ANKRD7: variants seen among roughly 807,000 people sequenced by gnomAD.
ANKRD7 encodes ankyrin repeat domain 7, also known as ankyrin repeat domain-containing protein 7.
ANKRD7 carries 30 observed loss-of-function variants against 30.8 expected under a neutral mutation model. The ratio of observed to expected loss-of-function variants is 0.97; its 90% confidence interval spans 0.73 to 1.32. The LOEUF (loss-of-function observed/expected upper bound fraction) is 1.32, where lower values mean the gene tolerates loss of function less well. Among genes scored for constraint, ANKRD7 ranks in the 40% most tolerant of loss-of-function variants. ANKRD7 has a pLI of 0.00. For synonymous variants in ANKRD7, 97 were observed against 106.6 expected (o/e 0.91, Z 0.55); for missense variants, 264 against 295.7 (o/e 0.89, Z 0.79).
chr7:118,230,651 TA>T, intron 1 of ANKRD7, among the ~76,000 whole-genome samples: 1 of 148,882 alleles, frequency 6.7e-6, no homozygotes, highest in African/African-American at 2.4e-5. Flanking sequence ...TGTGTGTGTG[TA>T]GAGAGAGAGA....
intron 1 of ANKRD7, among the ~76,000 whole-genome samples, chr7:118,230,129 A>ATGTC (rs1562872115): frequency 6.6e-6 from 1 of 152,106 alleles, no homozygotes; most frequent in African/African-American, 2.4e-5. Context: ...TAAGACAAAG[A>ATGTC]TGTCTGCTCT....
chr7:118,237,094 GGGC>G (rs1809743119), intron 5 of ANKRD7, among the ~76,000 whole-genome samples, 168 bp downstream of exon 5: 2 of 152,124 alleles, frequency 1.3e-5, no homozygotes, highest in African/African-American at 4.8e-5. Flanking sequence ...ATCAATATAA[GGGC>G]TACAGATGGG....
chr7:118,234,687 T>C lies in ANKRD7; in HGVS notation c.295-14T>C, dbSNP rs763373265. ...AGTAAATTGGTTACTCATCTACTCT[T>C]GTTGCATTAACAGGCAGTACAGTGT... is the stretch of plus-strand genomic sequence containing the variant. On this transcript the variant is annotated splice_polypyrimidine_tract_variant and intron_variant, in intron 2 of 6. Transcript: ENST00000265224. 6.3e-7 allele frequency: 1 copy of C among 1,598,686 alleles called. No homozygotes were observed. Among genetic ancestry groups the C allele is most frequent in the Non-Finnish European group, 8.5e-7 (1 of 1,174,736 alleles).
At position 118,240,881 on chromosome 7, in the gene ANKRD7, G is replaced by A. The variant is rs577725026; in HGVS notation, c.*37+883G>A. ...AAGAATATATAGTTATTGGCCGGGC[G>A]CGGTGGCTCACGCCTGTAATCCCAG... On this transcript the variant is annotated intron_variant, in intron 6 of 6. Transcript: ENST00000265224. Among the ~76,000 whole-genome samples the A allele has an allele frequency of 1.8e-4, 28 of 151,906 alleles. No homozygotes were observed. The South Asian group carries it at 3.7e-3, about 20-fold the overall frequency.
At chr7:118,239,875 G>T in intron 5 of ANKRD7, 34 bp from the exon 6 acceptor site, 1 of 1,399,672 alleles carries the variant, frequency 7.1e-7, no homozygotes, top group Non-Finnish European at 1.0e-6. Flanking sequence ...AAATTTCTAT[G>T]CATGCTGGCA....
At chr7:118,230,516 A>G (rs553862587) in intron 1 of ANKRD7, among the ~76,000 whole-genome samples, 2 of 116,584 alleles carry the variant, frequency 1.7e-5, no homozygotes, top group South Asian at 6.6e-4. Context: ...GACTGCAAAG[A>G]ATTGACTATA....
At chr7:118,228,989 C>T (rs1214807828) in intron 1 of ANKRD7, among the ~76,000 whole-genome samples, 4 of 152,130 alleles carry the variant, frequency 2.6e-5, no homozygotes, top group Non-Finnish European at 1.5e-5. Flanking sequence ...GGGTAAAAGC[C>T]GGATCCATCC....
chr7:118,226,170 T>C (rs1809536992), intron 1 of ANKRD7, among the ~76,000 whole-genome samples: 1 of 152,208 alleles, frequency 6.6e-6, no homozygotes, highest in Admixed American at 6.5e-5. Flanking sequence ...CCAGATAGCT[T>C]CATACCCAGT....
In ANKRD7 at chr7:118,238,784, G is replaced by A. The variant is rs567789449; in HGVS notation, c.713-1125G>A. On this transcript the variant is annotated intron_variant, in intron 5 of 6. Transcript: ENST00000265224. The stretch of plus-strand genomic sequence containing the variant: ...CAAAAGTATATTCATCACTGGGTGT[G>A]TTTCAGTCCCTGACTGAGTTAATTG... 1.0e-3 allele frequency among the ~76,000 whole-genome samples: 154 copies of A among 152,290 alleles called. 2 individuals are homozygous for A. In the South Asian group the frequency reaches 0.019, roughly 19 times the overall value.
In ANKRD7 at chr7:118,236,813, G is replaced by T. The variant is rs774762891; in HGVS notation, c.599G>T (p.Ser200Ile). The change falls in exon 5 of 7, where the codon AGT (serine) becomes ATT (isoleucine). Residue 200 changes from serine (S) to isoleucine (I), a missense_variant. Physicochemically the swap from Ser to Ile is moderately radical, Grantham distance 142 (BLOSUM62 -2). Coordinates refer to ENST00000265224, the MANE Select transcript of ANKRD7 (RefSeq NM_019644.4). ...AGAACAGCCCTTATTCTTGCTGTCA[G>T]TGGTGAACCACCATGTTTAGTAAAG... ...YQRTALILAV[S>I]GEPPCLVKLL... The T allele has an allele frequency of 6.2e-7, 1 of 1,613,936 alleles. No individual in the cohort carries two copies. The highest frequency in any genetic ancestry group is 8.5e-7 in the Non-Finnish European group (1 of 1,179,882).
rs1393960143 is a variant in ANKRD7, at chr7:118,239,957, A to C, written c.761A>C (p.Lys254Thr). 6.3e-7 allele frequency: 1 copy of C among 1,593,582 alleles called. No homozygotes were observed. Among genetic ancestry groups the C allele is most frequent in the South Asian group, 1.1e-5 (1 of 87,596 alleles). Residue 254 changes from lysine to threonine, a missense_variant, in exon 6 of 7, where the codon AAA (lysine) becomes ACA (threonine). Lys to Thr is a moderately conservative substitution (Grantham distance 78). Transcript: ENST00000265224. ...TASHGKKKHA[K>T] ...AGCCATGGAAAGAAGAAACATGCTAAATAGACACCTTATTCTTGGCACTAC... is the reference window on the plus strand; with the variant it reads ...AGCCATGGAAAGAAGAAACATGCTACATAGACACCTTATTCTTGGCACTAC...
intron 5 of ANKRD7, 78 bp from the exon 6 acceptor site, chr7:118,239,831 A>G: frequency 1.1e-6 from 1 of 914,774 alleles, no homozygotes; most frequent in South Asian, 2.1e-5. Flanking sequence ...GCTGGTACCT[A>G]AGGTTTTGAT....
rs147060557 is a variant in ANKRD7 at position 118,240,155 on chromosome 7, A to T, written c.*37+157A>T. Among the ~76,000 whole-genome samples the T allele has an allele frequency of 2.5e-3, 381 of 150,726 alleles. 1 individual carries two copies. The highest frequency in any genetic ancestry group is 6.8e-3 in the Middle Eastern group (2 of 292). ...ATATTTTTAAGAACTATTCTTTTTT[A>T]TTTATTTATTTATTTATTTATTATA... On this transcript the variant is annotated intron_variant, in intron 6 of 6. Transcript: ENST00000265224.
Position 118,234,847 on chromosome 7 carries a change from C to T in ANKRD7, c.441C>T (p.Tyr147=), listed in dbSNP as rs928514362. 2.1e-5 allele frequency: 33 copies of T among 1,602,428 alleles called. No homozygotes were observed. The highest frequency in any genetic ancestry group is 1.8e-4 in the East Asian group (8 of 44,648). ...CATTAGTTGAAAAACTGCTTGAATA[C>T]GAAGCTGATCTTGAAGCGAAAAATA... The part of the protein sequence containing the change: ...SLSLVEKLLE[Y]EADLEAKNKD... Residue 147 remains tyrosine, a synonymous_variant, in exon 3 of 7, where the codon TAC becomes TAT. Coordinates refer to ENST00000265224, the MANE Select transcript of ANKRD7 (RefSeq NM_019644.4).
intron 6 of ANKRD7, among the ~76,000 whole-genome samples, chr7:118,241,571 ACT>A (rs1310468607): frequency 8.9e-6 from 1 of 112,442 alleles, no homozygotes; most frequent in Non-Finnish European, 1.7e-5. Flanking sequence ...GTGGAGTCTC[ACT>A]CTGTCACCCA....
Position 118,224,783 on chromosome 7 carries a change from G to A in ANKRD7, c.-48G>A. ...AGAGGGGCAGGGCGGACGGCTAGGA[G>A]TTCAAGAAACATCCTGGTCTGAGGG... On this transcript the variant is annotated 5_prime_UTR_variant, in exon 1 of 7. Transcript: ENST00000265224. 2.5e-6 allele frequency: 4 copies of A among 1,576,246 alleles called. No individual in the cohort carries two copies. Among genetic ancestry groups the A allele is most frequent in the Non-Finnish European group, 3.4e-6 (4 of 1,164,544 alleles).
In ANKRD7 at chr7:118,224,888, A is replaced by G; in HGVS notation, c.58A>G (p.Asn20Asp). The change falls in exon 1 of 7, where the codon AAC (asparagine) becomes GAC (aspartate). Residue 20 changes from asparagine to aspartate, a missense_variant. By Grantham distance (23) the Asn-to-Asp change is conservative. Transcript: ENST00000265224. ...GAATGAGACCCGCAGCCAGGGCTAC[A>G]ACCTTCGAGAAAAGGATTTAAAGAA... Reference protein sequence around the residue: ...RKNETRSQGYNLREKDLKKLH... With the variant: ...RKNETRSQGYDLREKDLKKLH... 1.2e-6 allele frequency: 2 copies of G among 1,614,240 alleles called. No homozygotes were observed. Among genetic ancestry groups the G allele is most frequent in the Non-Finnish European group, 1.7e-6 (2 of 1,180,046 alleles).
chr7:118,238,968 T>G (rs1316773675), intron 5 of ANKRD7, among the ~76,000 whole-genome samples: 1 of 152,170 alleles, frequency 6.6e-6, no homozygotes. Context: ...GCCAATAGGG[T>G]TGGCCCTAAT....
chr7:118,236,776 A>G lies in ANKRD7; in HGVS notation c.576-14A>G. 6.8e-6 allele frequency: 11 copies of G among 1,607,698 alleles called. No homozygotes were observed. The highest frequency in any genetic ancestry group is 9.3e-6 in the Non-Finnish European group (11 of 1,177,656). ...GATCTTTACATGGGCATTCATTTCT[A>G]TCTCTTGCTCCAGAACAGCCCTTAT... On this transcript the variant is annotated splice_polypyrimidine_tract_variant and intron_variant, in intron 4 of 6. Transcript: ENST00000265224.
Sources: allele counts gnomAD v4.1 joint callset (sites outside exome capture counted in the v4.1 genomes callset), GRCh38; gene constraint gnomAD v4.1.1; transcripts MANE v1.5; gene names NCBI Gene and HGNC (gene_info 2026-07-23, HGNC 2026-07-21).